ATP2A2: variants seen among roughly 807,000 people sequenced by gnomAD.
The protein encoded by ATP2A2 is ATPase sarcoplasmic/endoplasmic reticulum Ca2+ transporting 2.
In ATP2A2, 14 loss-of-function variants were observed where a neutral mutation model predicts 109.3. That is an observed-to-expected ratio of 0.13 (90% CI 0.08 to 0.20). The LOEUF (loss-of-function observed/expected upper bound fraction) is 0.20. Ranked by LOEUF, ATP2A2 falls within the 10% of genes least tolerant of loss-of-function variation. The pLI, the probability that ATP2A2 is intolerant of heterozygous loss-of-function variation, is 1.00. For synonymous variants in ATP2A2, 506 were observed against 490.9 expected (o/e 1.03, Z -0.41); for missense variants, 657 against 1,321.6 (o/e 0.50, Z 7.80).
At chr12:110,332,384 G>A in intron 8 of ATP2A2, 3 of 582,232 alleles carry the variant, frequency 5.2e-6, no homozygotes, top group Non-Finnish European at 3.1e-6. Flanking sequence ...ATTGGTCGGG[G>A]GTGTGATGGG....
At chr12:110,294,234 G>A (rs1367689961) in intron 4 of ATP2A2, among the ~76,000 whole-genome samples, 3 of 151,970 alleles carry the variant, frequency 2.0e-5, no homozygotes, top group South Asian at 2.1e-4. Flanking sequence ...TAATAGAGAC[G>A]GGGTTTCACC....
intron 8 of ATP2A2, 72 bp downstream of exon 8, chr12:110,328,089 C>A: frequency 6.8e-7 from 1 of 1,460,020 alleles, no homozygotes; most frequent in Non-Finnish European, 9.4e-7. Flanking sequence ...TTCATGCCAT[C>A]AAAACTTTTG....
intron 14 of ATP2A2, among the ~76,000 whole-genome samples, chr12:110,341,855 G>A (rs867541246): frequency 6.6e-6 from 1 of 152,164 alleles, no homozygotes; most frequent in Non-Finnish European, 1.5e-5. Flanking sequence ...GCGACAGAGC[G>A]GGACTCCATC....
At chr12:110,303,430 T>G (rs574557734) in intron 5 of ATP2A2, among the ~76,000 whole-genome samples, 1 of 151,740 alleles carries the variant, frequency 6.6e-6, no homozygotes, top group South Asian at 2.1e-4. Flanking sequence ...TTGTTTGTTT[T>G]GAGACGAGTC....
At chr12:110,310,773 G>A (rs1875946337) in intron 5 of ATP2A2, among the ~76,000 whole-genome samples, 1 of 152,122 alleles carries the variant, frequency 6.6e-6, no homozygotes, top group Non-Finnish European at 1.5e-5. Flanking sequence ...GGAATAAAAA[G>A]AATAATTCTT....
chr12:110,343,659 A>G (rs543928656), intron 16 of ATP2A2, among the ~76,000 whole-genome samples: 1 of 152,262 alleles, frequency 6.6e-6, no homozygotes, highest in African/African-American at 2.4e-5. Flanking sequence ...GCTTTTCTGA[A>G]TGAGCAATTA....
intron 9 of ATP2A2, among the ~76,000 whole-genome samples, 195 bp downstream of exon 9, chr12:110,332,880 C>T (rs1249303280): frequency 6.6e-6 from 1 of 152,204 alleles, no homozygotes; most frequent in African/African-American, 2.4e-5. Context: ...CATCTTTTTG[C>T]ATCTTCTGGG....
chr12:110,303,917 CATT>C (rs1874966157), intron 5 of ATP2A2, among the ~76,000 whole-genome samples: 1 of 152,212 alleles, frequency 6.6e-6, no homozygotes, highest in African/African-American at 2.4e-5. Flanking sequence ...GTGTGATCCT[CATT>C]ATTATCTTAA....
chr12:110,291,792 A>G (rs990885643), intron 3 of ATP2A2, among the ~76,000 whole-genome samples: 5 of 151,484 alleles, frequency 3.3e-5, no homozygotes, highest in African/African-American at 1.2e-4. Context: ...GATTACAGGC[A>G]CCTACCACCA....
rs980957907 is a variant in ATP2A2 at position 110,340,011 on chromosome 12, T to C, written c.1761+290T>C. On this transcript the variant is annotated intron_variant, in intron 13 of 19. Transcript: ENST00000539276. This position sits in a 1 kb window ranked among gnomAD's most constrained non-coding sequence, Gnocchi z 6.0. ...TTGCCTCTCATCTAAATCATGATTT[T>C]TTTTAAATTGGTGACATTTCTAGAA... Among the ~76,000 whole-genome samples the C allele has an allele frequency of 6.6e-6, 1 of 152,200 alleles. No homozygotes were observed. Among genetic ancestry groups the C allele is most frequent in the African/African-American group, 2.4e-5 (1 of 41,450 alleles).
In ATP2A2 at chr12:110,348,919, C is replaced by G. The variant is rs1880138178; in HGVS notation, c.*2449C>G. ...AACTGACTTGAGTGCTGCACTATTG[C>G]TATTCCGTGCAAACAAAACTCAGCT... On this transcript the variant is annotated 3_prime_UTR_variant, in exon 20 of 20. Transcript: ENST00000539276. 9.1e-6 allele frequency: 9 copies of G among 985,320 alleles called. 1 individual carries two copies. The South Asian group carries it at 3.8e-4, about 41-fold the overall frequency. The allele number at this position is 985,320 out of a possible 1,614,324, so 61.0% of individuals were successfully genotyped here.
At chr12:110,293,367 C>CTTTTTTTTT (rs1178977431) in intron 4 of ATP2A2, among the ~76,000 whole-genome samples, 12 of 79,916 alleles carry the variant, frequency 1.5e-4, no homozygotes, top group African/African-American at 3.2e-4. Context: ...CACTCCCGGC[C>CTTTTTTTTT]TTTTTTTTTT....
Position 110,349,704 on chromosome 12 carries a change from AC to A in ATP2A2, c.*3236del. The A allele has an allele frequency of 3.0e-6, 3 of 1,002,374 alleles. No homozygotes were observed. Among genetic ancestry groups the A allele is most frequent in the Non-Finnish European group, 3.6e-6 (3 of 838,702 alleles). 62.1% of individuals were successfully genotyped at this position (1,002,374 alleles called of 1,614,324 possible). A position where few individuals can be genotyped will look rare whatever the true frequency, so the allele number is the denominator to read the frequency against. On this transcript the variant is annotated 3_prime_UTR_variant, in exon 20 of 20. Transcript: ENST00000539276. Reference sequence around the variant, plus strand: ...TAGCCACTGTCCAGGGCCAGAGCATACCACGTCTGCAGTGCCTGTGAGCAGA... The same window carrying A: ...TAGCCACTGTCCAGGGCCAGAGCATACACGTCTGCAGTGCCTGTGAGCAGA...
intron 5 of ATP2A2, among the ~76,000 whole-genome samples, chr12:110,308,968 C>T (rs1258379524): frequency 1.3e-5 from 2 of 151,962 alleles, no homozygotes; most frequent in South Asian, 2.1e-4. Flanking sequence ...CAGAAAGGAA[C>T]AGACCTTTTT....
chr12:110,336,290 GGA>G (rs764355265), intron 11 of ATP2A2, among the ~76,000 whole-genome samples: 5 of 152,328 alleles, frequency 3.3e-5, no homozygotes, highest in Middle Eastern at 3.4e-3. Flanking sequence ...GTCTGGGGGA[GGA>G]GAGAGGTAAA....
intron 1 of ATP2A2, 160 bp downstream of exon 1, chr12:110,282,067 T>G: frequency 7.7e-6 from 4 of 522,604 alleles, no homozygotes; most frequent in Non-Finnish European, 1.3e-5. Flanking sequence ...AGAAAGGGGC[T>G]GCGGTCCTCG....
At chr12:110,333,085 T>C in intron 9 of ATP2A2, 96 bp from the exon 10 acceptor site, 1 of 1,094,368 alleles carries the variant, frequency 9.1e-7, no homozygotes. Flanking sequence ...CCAGAAATTC[T>C]GTTTTCATTA....
chr12:110,305,968 C>T lies in ATP2A2; in HGVS notation c.463+9231C>T, dbSNP rs191973984. 2.0e-5 allele frequency among the ~76,000 whole-genome samples: 3 copies of T among 150,252 alleles called. No individual in the cohort carries two copies. The East Asian group carries it at 5.9e-4, about 29-fold the overall frequency. ...GCTTCTTTTGTTATTGCATTTTTGG[C>T]GGGGGGAATATTTGTAATTGGAATA... On this transcript the variant is annotated intron_variant, in intron 5 of 19. Coordinates refer to ENST00000539276, the MANE Select transcript of ATP2A2 (RefSeq NM_170665.4).
At chr12:110,330,700 A>G (rs1357258550) in intron 8 of ATP2A2, 8 of 152,206 alleles carry the variant, frequency 5.3e-5, no homozygotes, top group Admixed American at 5.2e-4. Context: ...TAATAAAGAA[A>G]AAGCCTGCCT....
Sources: allele counts gnomAD v4.1 joint callset (sites outside exome capture counted in the v4.1 genomes callset), GRCh38; gene constraint gnomAD v4.1.1; non-coding constraint Gnocchi (gnomAD v3.1); transcripts MANE v1.5; gene names NCBI Gene and HGNC (gene_info 2026-07-23, HGNC 2026-07-21).